Variants in NUCB2 observed in about 807,000 individuals in gnomAD.
NUCB2 encodes nucleobindin-2.
Under a neutral mutation model 57.9 loss-of-function variants are expected in NUCB2, and 48 were observed. That is an observed-to-expected ratio of 0.83 (90% confidence interval 0.66 to 1.05). The LOEUF (loss-of-function observed/expected upper bound fraction) is 1.05, where lower values mean the gene tolerates loss of function less well. Among genes scored for constraint, NUCB2 ranks in the 50% least tolerant of loss-of-function variants. The pLI is 0.00. For missense variants in NUCB2, 442 were observed against 476.2 expected (o/e 0.93, Z 0.67); for synonymous variants, 139 against 152.1 (o/e 0.91, Z 0.64).
chr11:17,296,260 T>C, intron 4 of NUCB2, 49 bp downstream of exon 4: 2 of 1,210,314 alleles, frequency 1.7e-6, no homozygotes, highest in Non-Finnish European at 2.3e-6. Flanking sequence ...AATTTAAAAT[T>C]TTTTTAGAGA....
At chr11:17,308,488 T>G (rs1948022247) in intron 5 of NUCB2, among the ~76,000 whole-genome samples, 1 of 152,220 alleles carries the variant, frequency 6.6e-6, no homozygotes, top group African/African-American at 2.4e-5. Context: ...CTCTAGCAAT[T>G]TCTTTCTTGC....
At chr11:17,317,342 T>G (rs1350737053) in intron 11 of NUCB2, among the ~76,000 whole-genome samples, 1 of 152,128 alleles carries the variant, frequency 6.6e-6, no homozygotes, top group African/African-American at 2.4e-5. Flanking sequence ...ATATATAAAG[T>G]TTTGAATTGC....
intron 4 of NUCB2, among the ~76,000 whole-genome samples, chr11:17,298,023 A>C (rs1215796348): frequency 6.8e-6 from 1 of 146,788 alleles, no homozygotes; most frequent in Non-Finnish European, 1.5e-5. Context: ...CAGAGGTTGC[A>C]GTGAGCCGAG....
At chr11:17,316,189 C>T (rs1300191036) in intron 11 of NUCB2, among the ~76,000 whole-genome samples, 3 of 152,068 alleles carry the variant, frequency 2.0e-5, no homozygotes, top group Non-Finnish European at 2.9e-5. Context: ...CCAGGCTGGT[C>T]TTGAACTCCT....
intron 5 of NUCB2, among the ~76,000 whole-genome samples, chr11:17,303,257 G>C (rs1947063686): frequency 1.3e-5 from 2 of 152,176 alleles, no homozygotes; most frequent in Non-Finnish European, 2.9e-5. Flanking sequence ...CTATTCCAGA[G>C]CATAGAAAAA....
intron 5 of NUCB2, among the ~76,000 whole-genome samples, chr11:17,305,061 C>T (rs1163982902): frequency 2.0e-5 from 3 of 152,352 alleles, no homozygotes; most frequent in East Asian, 1.9e-4. Context: ...TGGTGGCTCA[C>T]GCCTGTAATC....
In NUCB2 at chr11:17,295,455, G is replaced by C; in HGVS notation, c.132G>C (p.Lys44Asn). 1 of 1,610,376 alleles carries C rather than the reference G, an allele frequency of 6.2e-7. No individual in the cohort carries two copies. The highest frequency in any genetic ancestry group is 8.5e-7 in the Non-Finnish European group (1 of 1,178,538). ...ATATTCACCCTGTGGAAAGTGCGAA[G>C]ATAGAACCACCAGTAAGTGAAATGA... ...VQNIHPVESA[K>N]IEPPDTGLYY... is the part of the protein sequence containing the mutation. The change falls in exon 3 of 14, where the codon AAG becomes AAC. Residue 44 changes from lysine to asparagine, a missense_variant. By Grantham distance (94) the Lys-to-Asn change is moderately conservative. Transcript: ENST00000529010.
intron 2 of NUCB2, among the ~76,000 whole-genome samples, chr11:17,285,930 T>G (rs898637334): frequency 1.5e-5 from 2 of 134,460 alleles, no homozygotes; most frequent in Non-Finnish European, 3.0e-5. Flanking sequence ...CGCGCACGTG[T>G]GCGTACACAC....
At position 17,313,832 on chromosome 11, in the gene NUCB2, G is replaced by A. The variant is rs140439041; in HGVS notation, c.913-1554G>A. On this transcript the variant is annotated intron_variant, in intron 10 of 13. Transcript: ENST00000529010. ...AGTTCTACATGTTGCATTGCCCTGGGCCCATCCCTTGGCCGTGTTCTCCTT... is the reference window on the plus strand; with the variant it reads ...AGTTCTACATGTTGCATTGCCCTGGACCCATCCCTTGGCCGTGTTCTCCTT... Among the ~76,000 whole-genome samples, 6 of 151,978 alleles carry A rather than the reference G, an allele frequency of 3.9e-5. No homozygotes were observed. The East Asian group carries it at 1.2e-3, about 29-fold the overall frequency.
intron 4 of NUCB2, among the ~76,000 whole-genome samples, chr11:17,299,366 T>C (rs537968644): frequency 6.6e-6 from 1 of 152,328 alleles, no homozygotes; most frequent in Non-Finnish European, 1.5e-5. Context: ...CATTGTTTTA[T>C]CTAATAATAA....
intron 11 of NUCB2, among the ~76,000 whole-genome samples, chr11:17,316,008 T>C (rs1949191132): frequency 6.6e-6 from 1 of 152,220 alleles, no homozygotes; most frequent in Non-Finnish European, 1.5e-5. Flanking sequence ...AGTCTTGCTC[T>C]GTTGCCCAGG....
chr11:17,329,474 G>A (rs778255069), intron 11 of NUCB2, among the ~76,000 whole-genome samples: 15 of 152,246 alleles, frequency 9.9e-5, no homozygotes, highest in Non-Finnish European at 1.9e-4. Flanking sequence ...TTGCTGGGAT[G>A]GGTGATTCTC....
At chr11:17,341,071 C>G (rs1335625902) in intron 2 of NUCB2, among the ~76,000 whole-genome samples, 1 of 152,192 alleles carries the variant, frequency 6.6e-6, no homozygotes, top group Non-Finnish European at 1.5e-5. Flanking sequence ...ATTTTATTCT[C>G]TTTGAAGCAA....
chr11:17,317,647 C>T (rs184413468), intron 11 of NUCB2: 2 of 341,514 alleles, frequency 5.9e-6, no homozygotes, highest in Admixed American at 3.0e-5. Context: ...CCTTGAATAC[C>T]ACAGAAGAGA....
At chr11:17,291,327 AC>A (rs1416201610) in intron 2 of NUCB2, 1 of 155,978 alleles carries the variant, frequency 6.4e-6, no homozygotes, top group Non-Finnish European at 1.4e-5. Flanking sequence ...CGGGCAGATC[AC>A]CTGAGGTCAG....
rs564175765 is a variant in NUCB2 at position 17,332,013 on chromosome 11, A to G, written c.*594A>G. 6.6e-6 allele frequency: 1 copy of G among 152,262 alleles called. No individual in the cohort carries two copies. The highest frequency in any genetic ancestry group is 2.1e-4 in the South Asian group (1 of 4,820). 9.4% of individuals were successfully genotyped at this position (152,262 alleles called of 1,614,324 possible). Reference sequence around the variant, plus strand: ...TCTTTTTTATTTTGCTCTATACTTTATCATTTAAGATTAGGTTATGTTACA... The same window carrying G: ...TCTTTTTTATTTTGCTCTATACTTTGTCATTTAAGATTAGGTTATGTTACA... On this transcript the variant is annotated 3_prime_UTR_variant, in exon 14 of 14. Transcript: ENST00000529010.
At position 17,330,911 on chromosome 11, in the gene NUCB2, CA is replaced by C. The variant is rs1368053186; in HGVS notation, c.1184del (p.Gln395ArgfsTer20). 2.5e-6 allele frequency: 4 copies of C among 1,596,242 alleles called. No homozygotes were observed. Among genetic ancestry groups the C allele is most frequent in the Non-Finnish European group, 3.4e-6 (4 of 1,166,514 alleles). On this transcript the variant is annotated frameshift_variant, in exon 13 of 14. Coordinates refer to ENST00000529010, the MANE Select transcript of NUCB2 (RefSeq NM_005013.4). LOFTEE classifies it high-confidence loss of function. The surrounding 1 kb of genome is among the most constrained non-coding windows in gnomAD (Gnocchi z 4.3). The stretch of plus-strand genomic sequence containing the variant: ...ATTTTCCATTCACCAGGTCATACAG[CA>C]GATGGAACAAAAAAAATTACAACAA... ...QKLEYHQVIQ[Q>X]MEQKKLQQGI...
intron 2 of NUCB2, among the ~76,000 whole-genome samples, chr11:17,285,743 CAAA>C (rs1159389193): frequency 2.8e-5 from 1 of 36,122 alleles, no homozygotes; most frequent in African/African-American, 1.0e-4. Flanking sequence ...GACTCCGTCT[CAAA>C]AAAAAAAAAA....
At chr11:17,282,254 ATATATT>A (rs1565358684) in intron 1 of NUCB2, among the ~76,000 whole-genome samples, 46 of 107,902 alleles carry the variant, frequency 4.3e-4, no homozygotes, top group Admixed American at 8.0e-4. Flanking sequence ...ATATATATAT[ATATATT>A]TTTTTTTTTT....
Sources: allele counts gnomAD v4.1 joint callset (sites outside exome capture counted in the v4.1 genomes callset), GRCh38; gene constraint gnomAD v4.1.1; non-coding constraint Gnocchi (gnomAD v3.1); transcripts MANE v1.5; gene names NCBI Gene and HGNC (gene_info 2026-07-23, HGNC 2026-07-21).